The following SCML2 variants were observed in gnomAD, a reference collection of about 807,000 sequenced individuals.
SCML2 encodes Scm polycomb group protein like 2, also known as sex comb on midleg-like protein 2.
SCML2 carries 6 observed loss-of-function variants against 48.4 expected under a neutral mutation model. The observed-to-expected ratio is 0.12, with a 90% CI of 0.07 to 0.24. SCML2 has a LOEUF of 0.24. Ranked by LOEUF, SCML2 falls within the 10% of genes least tolerant of loss-of-function variation. The pLI is 1.00. For missense variants in SCML2, 377 were observed against 528.2 expected (o/e 0.71, Z 2.81); for synonymous variants, 181 against 189.5 (o/e 0.95, Z 0.37).
intron 6 of SCML2, among the ~76,000 whole-genome samples, chrX:18,318,160 G>A (rs1437325116): frequency 1.8e-5 from 2 of 112,637 alleles, no homozygotes; most frequent in African/African-American, 6.4e-5. Flanking sequence ...TTTTTTAATT[G>A]GCTATTCTCA....
chrX:18,347,603 A>C lies in SCML2; in HGVS notation c.-25+6989T>G, dbSNP rs748251539. Among the ~76,000 whole-genome samples the C allele has an allele frequency of 9.3e-5, 10 of 107,318 alleles. No homozygotes were observed. The South Asian group carries it at 2.5e-3, about 27-fold the overall frequency. 93.2% of individuals were successfully genotyped at this position (107,318 alleles called of 115,157 possible). A position where few individuals can be genotyped will look rare whatever the true frequency, so the allele number is the denominator to read the frequency against. The stretch of plus-strand genomic sequence containing the variant: ...CCCGTCTGCGGTGGTACACACCTAT[A>C]ATCTCACCTACCCGGGTGGCTGAGG... On this transcript the variant is annotated intron_variant, in intron 1 of 14. Coordinates refer to ENST00000251900, the MANE Select transcript of SCML2 (RefSeq NM_006089.3).
At chrX:18,269,636 G>A (rs1927380359) in intron 7 of SCML2, among the ~76,000 whole-genome samples, 1 of 111,608 alleles carries the variant, frequency 9.0e-6, no homozygotes, top group African/African-American at 3.3e-5. Flanking sequence ...TAAATATATA[G>A]AATGAAGAAG....
rs929657468 is a variant in SCML2 at position 18,293,190 on chromosome X, T to C, written c.730+11782A>G. On this transcript the variant is annotated intron_variant, in intron 7 of 14. Coordinates refer to ENST00000251900, the MANE Select transcript of SCML2 (RefSeq NM_006089.3). ...GAAAAATATTTTGCTTTCAAGAATA[T>C]ACAAATTATATCTAAAAAACTGTAC... Among the ~76,000 whole-genome samples the C allele has an allele frequency of 2.7e-5, 3 of 112,031 alleles. No individual in the cohort carries two copies. In the South Asian group the frequency reaches 1.1e-3, roughly 41 times the overall value.
At chrX:18,290,097 C>T (rs1928182805) in intron 7 of SCML2, among the ~76,000 whole-genome samples, 1 of 111,806 alleles carries the variant, frequency 8.9e-6, no homozygotes, top group South Asian at 3.7e-4. Context: ...CACACACATA[C>T]TTGCCCATAA....
At chrX:18,338,467 AAAAC>A (rs1245440175) in intron 1 of SCML2, among the ~76,000 whole-genome samples, 2 of 109,154 alleles carry the variant, frequency 1.8e-5, no homozygotes, top group African/African-American at 6.7e-5. Flanking sequence ...AGAAAAAAAA[AAAAC>A]AATCCAGGCA....
Position 18,310,260 on chromosome X carries a change from C to CTTTT in SCML2, c.487-5049_487-5046dup, listed in dbSNP as rs773391164. ...AAAGAATGCTCTTTTAACCACCTCC[C>CTTTT]TTTTTTTTTTTTTTTTTTTTTTTTT... On this transcript the variant is annotated intron_variant, in intron 6 of 14. Coordinates refer to ENST00000251900, the MANE Select transcript of SCML2 (RefSeq NM_006089.3). Among the ~76,000 whole-genome samples the CTTTT allele has an allele frequency of 2.4e-3, 151 of 62,345 alleles. 1 individual carries two copies. Among genetic ancestry groups the CTTTT allele is most frequent in the Admixed American group, 3.6e-3 (16 of 4,425 alleles). The allele number at this position is 62,345 out of a possible 115,157, so 54.1% of individuals were successfully genotyped here.
intron 8 of SCML2, 87 bp from the exon 9 acceptor site, chrX:18,260,378 T>C: frequency 1.3e-6 from 1 of 764,233 alleles, no homozygotes; most frequent in Non-Finnish European, 1.8e-6. Context: ...ATAAATATCA[T>C]TGGTTTATAA....
chrX:18,300,926 A>G (rs1049916610), intron 7 of SCML2, among the ~76,000 whole-genome samples: 22 of 112,055 alleles, frequency 2.0e-4, no homozygotes, highest in African/African-American at 7.2e-4. Flanking sequence ...TACACACTTG[A>G]TAATACAGCC....
chrX:18,302,148 T>G (rs1010364704), intron 7 of SCML2, among the ~76,000 whole-genome samples: 3 of 110,899 alleles, frequency 2.7e-5, no homozygotes, highest in Non-Finnish European at 5.7e-5. Flanking sequence ...CTTTTTCTTT[T>G]TTTTTTCTTT....
At chrX:18,340,356 C>G (rs1032994718) in intron 1 of SCML2, among the ~76,000 whole-genome samples, 1 of 112,338 alleles carries the variant, frequency 8.9e-6, no homozygotes, top group African/African-American at 3.2e-5. Flanking sequence ...TTGCAGTAAG[C>G]TGAGATCACA....
At chrX:18,253,655 T>C (rs1399281301) in intron 11 of SCML2, among the ~76,000 whole-genome samples, 1 of 111,866 alleles carries the variant, frequency 8.9e-6, no homozygotes. Flanking sequence ...GACCTAGCAA[T>C]TCCCTCCAAG....
intron 7 of SCML2, among the ~76,000 whole-genome samples, chrX:18,289,596 C>T (rs996440714): frequency 8.9e-6 from 1 of 112,106 alleles, no homozygotes; most frequent in Non-Finnish European, 1.9e-5. Flanking sequence ...GAACTTTTTA[C>T]AACCTTAGTT....
chrX:18,317,590 T>C (rs1433220445), intron 6 of SCML2, among the ~76,000 whole-genome samples: 7 of 111,160 alleles, frequency 6.3e-5, no homozygotes, highest in African/African-American at 2.3e-4. Context: ...CCCAGCACTT[T>C]GGGAGGCCGA....
intron 6 of SCML2, among the ~76,000 whole-genome samples, chrX:18,305,959 A>T (rs771994265): frequency 3.5e-4 from 39 of 111,778 alleles, no homozygotes; most frequent in South Asian, 1.9e-3. Flanking sequence ...CTTTTCTTTC[A>T]ATCTGCTTTT....
chrX:18,354,585 C>A lies in SCML2; in HGVS notation c.-25+7G>T. On this transcript the variant is annotated splice_region_variant and intron_variant, in intron 1 of 14. Transcript: ENST00000251900. ...CATTCCTTACGGGGCCCGGAATCAC[C>A]ACGTACCTCCAGTCTCGTCGGTGAA... 3.5e-6 allele frequency: 1 copy of A among 282,452 alleles called. No homozygotes were observed. The highest frequency in any genetic ancestry group is 2.0e-4 in the South Asian group (1 of 4,919). The allele number at this position is 282,452 out of a possible 1,213,427, so 23.3% of individuals were successfully genotyped here.
At chrX:18,249,886 T>G (rs1438561398) in intron 11 of SCML2, among the ~76,000 whole-genome samples, 1 of 110,899 alleles carries the variant, frequency 9.0e-6, no homozygotes, top group African/African-American at 3.3e-5. Flanking sequence ...GGAGATACAC[T>G]GGTTCCAGGC....
At chrX:18,275,399 C>A (rs1000809537) in intron 7 of SCML2, among the ~76,000 whole-genome samples, 1 of 112,719 alleles carries the variant, frequency 8.9e-6, no homozygotes, top group African/African-American at 3.2e-5. Flanking sequence ...TGAAATTCTG[C>A]TCAACTACCA....
intron 6 of SCML2, among the ~76,000 whole-genome samples, chrX:18,309,612 G>A (rs1928881476): frequency 1.8e-5 from 2 of 111,906 alleles, no homozygotes; most frequent in Admixed American, 9.5e-5. Flanking sequence ...AAAAGGACGA[G>A]ATCATGTCCT....
chrX:18,326,327 C>A (rs1293945058), intron 3 of SCML2, among the ~76,000 whole-genome samples: 1 of 111,828 alleles, frequency 8.9e-6, no homozygotes, highest in Non-Finnish European at 1.9e-5. Context: ...GATTCCACTT[C>A]CAGATGATGT....
Sources: allele counts gnomAD v4.1 joint callset (sites outside exome capture counted in the v4.1 genomes callset), GRCh38; gene constraint gnomAD v4.1.1; transcripts MANE v1.5; gene names NCBI Gene and HGNC (gene_info 2026-07-23, HGNC 2026-07-21).